RBFOX1: variants seen among roughly 807,000 people sequenced by gnomAD.
RBFOX1 encodes the protein RNA binding fox-1 homolog 1.
A neutral mutation model predicts 57.7 loss-of-function variants in RBFOX1; 8 were observed. The observed-to-expected ratio is 0.14, with a 90% CI of 0.08 to 0.25. RBFOX1 has a LOEUF of 0.25. Among genes scored for constraint, RBFOX1 ranks in the 10% least tolerant of loss-of-function variants. The pLI is 1.00. For synonymous variants in RBFOX1, 326 were observed against 222.4 expected (o/e 1.47, Z -4.15); for missense variants, 611 against 548.5 (o/e 1.11, Z -1.14).
At chr16:6,754,001 G>C (rs751017815) in intron 3 of RBFOX1, among the ~76,000 whole-genome samples, 1 of 152,092 alleles carries the variant, frequency 6.6e-6, no homozygotes, top group Non-Finnish European at 1.5e-5. Context: ...TTACTGGGTT[G>C]TCTTCTGGTA....
intron 3 of RBFOX1, among the ~76,000 whole-genome samples, chr16:6,766,905 C>G (rs1381355215): frequency 6.6e-6 from 1 of 152,076 alleles, no homozygotes; most frequent in Non-Finnish European, 1.5e-5. Context: ...TCTGAGGACA[C>G]TTGACCTGGC....
chr16:7,003,810 A>G (rs955332902), intron 3 of RBFOX1, among the ~76,000 whole-genome samples: 5 of 152,134 alleles, frequency 3.3e-5, no homozygotes, highest in African/African-American at 1.2e-4. Flanking sequence ...CTAAAGGACA[A>G]TTCCTTGTCC....
intron 1 of RBFOX1, among the ~76,000 whole-genome samples, chr16:5,451,079 C>A (rs1188643872): frequency 6.6e-6 from 1 of 152,200 alleles, no homozygotes; most frequent in Non-Finnish European, 1.5e-5. Flanking sequence ...CAGATATACA[C>A]TCAAAATATC....
intron 4 of RBFOX1, among the ~76,000 whole-genome samples, chr16:7,406,274 C>T (rs1374948295): frequency 6.6e-6 from 1 of 152,142 alleles, no homozygotes; most frequent in African/African-American, 2.4e-5. Flanking sequence ...CTACTATGTG[C>T]CAAATACCTT....
intron 1 of RBFOX1, among the ~76,000 whole-genome samples, chr16:6,194,581 A>G (rs13331028): frequency 0.047 from 7,102 of 151,982 alleles, 497 homozygotes; most frequent in African/African-American, 0.16. Flanking sequence ...CCCTTCTACT[A>G]TCTTGGCCTG....
At chr16:6,046,618 G>GT (rs35737446) in intron 1 of RBFOX1, among the ~76,000 whole-genome samples, 49,701 of 152,014 alleles carry the variant, frequency 0.33, 8,369 homozygotes, top group Non-Finnish European at 0.38. Context: ...GAATATTGGG[G>GT]TTTGAAGAAA....
Position 7,606,118 on chromosome 16 carries a change from A to ATTT in RBFOX1, c.623-1149_623-1147dup, listed in dbSNP as rs34232105. Among the ~76,000 whole-genome samples the ATTT allele has an allele frequency of 2.1e-4, 24 of 114,594 alleles. 2 individuals carry two copies. Among genetic ancestry groups the ATTT allele is most frequent in the South Asian group, 3.0e-4 (1 of 3,362 alleles). 75.2% of individuals were successfully genotyped at this position (114,594 alleles called of 152,430 possible). On this transcript the variant is annotated intron_variant, in intron 9 of 15. Transcript: ENST00000550418. ...GAGCCACGGTGCCCGACCTGCATGG[A>ATTT]TTTTTTTTTTTTTTTTTTTTCCCGA... is the stretch of plus-strand genomic sequence containing the variant.
chr16:7,154,040 C>T (rs1451355077), intron 4 of RBFOX1, among the ~76,000 whole-genome samples: 1 of 152,114 alleles, frequency 6.6e-6, no homozygotes, highest in Non-Finnish European at 1.5e-5. Context: ...GTTTTTGTTA[C>T]TAGTATTTAG....
rs1600866307 is a variant in RBFOX1, at chr16:7,144,531, G to A, written c.27+92433G>A. 2.8e-5 allele frequency among the ~76,000 whole-genome samples: 4 copies of A among 144,674 alleles called. No individual in the cohort carries two copies. The East Asian group carries it at 8.7e-4, about 32-fold the overall frequency. The allele number at this position is 144,674 out of a possible 152,430, so 94.9% of individuals were successfully genotyped here. Reference sequence around the variant, plus strand: ...CCTTAACGTCCCAGGCTCAAGCGATGTTCCTGCCTCAGCCGCAAAAAGAGC... The same window carrying A: ...CCTTAACGTCCCAGGCTCAAGCGATATTCCTGCCTCAGCCGCAAAAAGAGC... On this transcript the variant is annotated intron_variant, in intron 4 of 15. Coordinates refer to ENST00000550418, the MANE Select transcript of RBFOX1 (RefSeq NM_018723.4).
intron 2 of RBFOX1, among the ~76,000 whole-genome samples, chr16:6,515,599 T>C (rs2096360928): frequency 1.3e-5 from 2 of 152,232 alleles, no homozygotes. Context: ...AGCCTTTTTA[T>C]GGATCAAAAT....
chr16:7,474,948 A>T (rs1358973699), intron 4 of RBFOX1, among the ~76,000 whole-genome samples: 1 of 152,190 alleles, frequency 6.6e-6, no homozygotes, highest in Non-Finnish European at 1.5e-5. Flanking sequence ...TCAAAGCACC[A>T]ATGCAGAGCC....
At chr16:6,814,162 C>G (rs919040464) in intron 3 of RBFOX1, among the ~76,000 whole-genome samples, 33 of 149,828 alleles carry the variant, frequency 2.2e-4, no homozygotes, top group African/African-American at 7.8e-4. Flanking sequence ...ACCAAACAAG[C>G]CAATATTCTG....
chr16:6,655,942 A>G (rs79311630), intron 3 of RBFOX1, among the ~76,000 whole-genome samples: 6,144 of 152,312 alleles, frequency 0.04, 297 homozygotes, highest in East Asian at 0.1. Context: ...ACATTATTTT[A>G]GGGAGTGTTA....
chr16:7,669,202 C>T (rs917005771), intron 13 of RBFOX1, among the ~76,000 whole-genome samples: 24 of 152,290 alleles, frequency 1.6e-4, no homozygotes, highest in African/African-American at 5.5e-4. Context: ...CCATGACTGA[C>T]CCCTGAAGCT....
chr16:7,545,317 T>C (rs3729506), intron 5 of RBFOX1, among the ~76,000 whole-genome samples: 6,878 of 151,798 alleles, frequency 0.045, 199 homozygotes, highest in South Asian at 0.088. Context: ...GTGCGGGTCA[T>C]GGGGGTGGAG....
At chr16:7,378,875 G>A (rs957893231) in intron 4 of RBFOX1, among the ~76,000 whole-genome samples, 1 of 152,194 alleles carries the variant, frequency 6.6e-6, no homozygotes, top group Non-Finnish European at 1.5e-5. Flanking sequence ...GTATTATTAA[G>A]TGGCAATAAC....
intron 4 of RBFOX1, among the ~76,000 whole-genome samples, chr16:7,309,893 T>A (rs1019472753): frequency 1.3e-5 from 2 of 152,196 alleles, no homozygotes; most frequent in Non-Finnish European, 2.9e-5. Context: ...AGACCCCTTT[T>A]TAATGGACGG....
intron 4 of RBFOX1, among the ~76,000 whole-genome samples, chr16:7,417,743 A>C (rs62015703): frequency 6.6e-6 from 1 of 151,954 alleles, no homozygotes; most frequent in East Asian, 1.9e-4. Context: ...TTGTCATTTC[A>C]AGAATGCTAT....
chr16:7,142,140 C>G (rs530189361), intron 4 of RBFOX1, among the ~76,000 whole-genome samples: 45 of 152,232 alleles, frequency 3.0e-4, no homozygotes, highest in African/African-American at 1.0e-3. Flanking sequence ...CCTCACACCT[C>G]AGCCTCCCAA....
Sources: gnomAD v4.1 joint callset for allele counts (sites outside exome capture counted in the v4.1 genomes callset) on GRCh38, gnomAD v4.1.1 for gene constraint, MANE v1.5 for transcripts, NCBI Gene and HGNC (gene_info 2026-07-23, HGNC 2026-07-21) for gene names.